SGCZ: variants seen among roughly 807,000 people sequenced by gnomAD.
SGCZ encodes sarcoglycan zeta, also known as zeta-sarcoglycan.
SGCZ carries 40 observed loss-of-function variants against 41.3 expected under a neutral mutation model. That is an observed-to-expected ratio of 0.97 (90% CI 0.75 to 1.26). The LOEUF (loss-of-function observed/expected upper bound fraction) is 1.26. Among genes scored for constraint, SGCZ ranks in the 50% most tolerant of loss-of-function variants. SGCZ has a pLI of 0.00. For synonymous variants in SGCZ, 206 were observed against 137.5 expected, an observed-to-expected ratio of 1.50 and a Z score of -3.49; for missense variants, 552 against 369.8, an observed-to-expected ratio of 1.49 and a Z score of -4.04.
At chr8:14,618,133 T>A (rs188687169) in intron 1 of SGCZ, among the ~76,000 whole-genome samples, 109 of 152,256 alleles carry the variant, frequency 7.2e-4, no homozygotes, top group African/African-American at 2.5e-3. Context: ...CTATTCTAGA[T>A]ACTTAGAAAA....
chr8:15,059,313 G>A (rs560156445), intron 1 of SGCZ, among the ~76,000 whole-genome samples: 1 of 152,204 alleles, frequency 6.6e-6, no homozygotes, highest in Admixed American at 6.5e-5. Flanking sequence ...AAAGTCCATA[G>A]ACTAGATCTT....
At chr8:14,099,299 C>G (rs1220202456) in intron 7 of SGCZ, among the ~76,000 whole-genome samples, 1 of 152,192 alleles carries the variant, frequency 6.6e-6, no homozygotes, top group Admixed American at 6.5e-5. Flanking sequence ...ATATAATCCA[C>G]TGGTTCTGAA....
chr8:14,131,141 T>A (rs1803028288), intron 5 of SGCZ, among the ~76,000 whole-genome samples: 1 of 152,150 alleles, frequency 6.6e-6, no homozygotes, highest in Non-Finnish European at 1.5e-5. Flanking sequence ...TGTGTCCACA[T>A]CCTTGATTTC....
At chr8:14,454,041 C>T (rs868246163) in intron 2 of SGCZ, among the ~76,000 whole-genome samples, 48 of 152,040 alleles carry the variant, frequency 3.2e-4, no homozygotes, top group African/African-American at 1.0e-3. Flanking sequence ...GACACTACCC[C>T]AAAAGGATAT....
intron 1 of SGCZ, among the ~76,000 whole-genome samples, chr8:14,581,605 CAG>C (rs1027796623): frequency 9.2e-5 from 14 of 152,192 alleles, no homozygotes; most frequent in Non-Finnish European, 2.1e-4. Flanking sequence ...AGAGGCAAAA[CAG>C]AATCACCTGT....
chr8:14,491,041 G>A (rs180737181), intron 2 of SGCZ, among the ~76,000 whole-genome samples: 1 of 152,054 alleles, frequency 6.6e-6, no homozygotes, highest in Non-Finnish European at 1.5e-5. Context: ...CATTTATTTT[G>A]TTATGTTTCC....
intron 2 of SGCZ, among the ~76,000 whole-genome samples, chr8:14,329,721 A>G (rs1267395591): frequency 6.6e-6 from 1 of 152,176 alleles, no homozygotes; most frequent in Non-Finnish European, 1.5e-5. Context: ...ATATTATAAA[A>G]CAGACTCTTC....
At chr8:14,479,731 CTT>C (rs529812029) in intron 2 of SGCZ, among the ~76,000 whole-genome samples, 2 of 52,972 alleles carry the variant, frequency 3.8e-5, no homozygotes, top group African/African-American at 1.0e-4. Flanking sequence ...AATTCTACTT[CTT>C]TTTTTTTTTT....
intron 4 of SGCZ, among the ~76,000 whole-genome samples, chr8:14,195,983 T>C (rs1805255299): frequency 6.6e-6 from 1 of 152,136 alleles, no homozygotes; most frequent in East Asian, 1.9e-4. Flanking sequence ...AGTGACCACC[T>C]GAGTAAACAC....
At chr8:14,142,728 G>A (rs1157983928) in intron 5 of SGCZ, among the ~76,000 whole-genome samples, 2 of 152,112 alleles carry the variant, frequency 1.3e-5, no homozygotes, top group African/African-American at 2.4e-5. Context: ...GAGGTGACGA[G>A]GCCATGGAGG....
intron 1 of SGCZ, among the ~76,000 whole-genome samples, chr8:15,114,889 T>C (rs1457544539): frequency 2.0e-5 from 3 of 152,072 alleles, no homozygotes; most frequent in Admixed American, 6.6e-5. Flanking sequence ...AGTGTCATTC[T>C]CAATAAACCT....
chr8:14,918,108 A>C (rs1004959643), intron 1 of SGCZ, among the ~76,000 whole-genome samples: 1 of 152,196 alleles, frequency 6.6e-6, no homozygotes, highest in Non-Finnish European at 1.5e-5. Context: ...AGATCCAAGA[A>C]GATACTGAGC....
intron 2 of SGCZ, among the ~76,000 whole-genome samples, chr8:14,481,629 C>T (rs918429126): frequency 6.6e-6 from 1 of 152,020 alleles, no homozygotes; most frequent in Admixed American, 6.6e-5. Context: ...ACATCACTTG[C>T]CTCTGGTAGT....
intron 1 of SGCZ, among the ~76,000 whole-genome samples, chr8:15,130,899 T>A (rs1219951050): frequency 6.6e-6 from 1 of 152,158 alleles, no homozygotes; most frequent in Admixed American, 6.5e-5. Flanking sequence ...TCTTAACACA[T>A]CCCCATCCAT....
At chr8:15,048,954 C>G (rs1804413664) in intron 1 of SGCZ, among the ~76,000 whole-genome samples, 1 of 151,934 alleles carries the variant, frequency 6.6e-6, no homozygotes, top group Non-Finnish European at 1.5e-5. Flanking sequence ...TAAAATTGAC[C>G]AAGACAAACG....
At chr8:14,164,813 G>T in intron 4 of SGCZ, 111 bp from the exon 5 acceptor site, 2 of 1,310,430 alleles carry the variant, frequency 1.5e-6, no homozygotes, top group East Asian at 5.0e-5. Flanking sequence ...GTTTATCTCT[G>T]CTGTATGTTT....
chr8:14,552,291 A>G (rs1311677332), intron 2 of SGCZ, among the ~76,000 whole-genome samples: 1 of 152,052 alleles, frequency 6.6e-6, no homozygotes, highest in African/African-American at 2.4e-5. Flanking sequence ...GCAACTACAT[A>G]AGGAATTCTG....
chr8:14,447,699 A>G (rs1486763299), intron 2 of SGCZ, among the ~76,000 whole-genome samples: 1 of 152,186 alleles, frequency 6.6e-6, no homozygotes, highest in African/African-American at 2.4e-5. Context: ...TATTTTTTAA[A>G]TGACAGTATT....
At chr8:15,002,184 TAAG>T (rs1802449352) in intron 1 of SGCZ, among the ~76,000 whole-genome samples, 1 of 140,176 alleles carries the variant, frequency 7.1e-6, no homozygotes, top group Admixed American at 7.7e-5. Flanking sequence ...AGGAATGACT[TAAG>T]AATATAGTCA....
Sources: gnomAD v4.1 joint callset for allele counts (sites outside exome capture counted in the v4.1 genomes callset) on GRCh38, gnomAD v4.1.1 for gene constraint, MANE v1.5 for transcripts, NCBI Gene and HGNC (gene_info 2026-07-23, HGNC 2026-07-21) for gene names.